The following FNTB variants were observed in gnomAD, a reference collection of about 807,000 sequenced individuals.
The protein encoded by FNTB is farnesyltransferase, CAAX box, subunit beta, also known as protein farnesyltransferase subunit beta.
FNTB carries 27 observed loss-of-function variants against 59.4 expected under a neutral mutation model. The ratio of observed to expected loss-of-function variants is 0.45; its 90% CI spans 0.34 to 0.63. The LOEUF (loss-of-function observed/expected upper bound fraction) is 0.63. Among genes scored for constraint, FNTB ranks in the 20% least tolerant of loss-of-function variants. The pLI is 0.02. For synonymous variants in FNTB, 230 were observed against 220.7 expected (o/e 1.04, Z -0.37); for missense variants, 449 against 559.6 (o/e 0.80, Z 1.99).
At position 65,027,645 on chromosome 14, in the gene FNTB, C is replaced by T. The variant is rs1319165058; in HGVS notation, c.521+46C>T. 1.2e-6 allele frequency: 2 copies of T among 1,613,952 alleles called. No homozygotes were observed. The highest frequency in any genetic ancestry group is 8.5e-7 in the Non-Finnish European group (1 of 1,179,964). On this transcript the variant is annotated intron_variant, in intron 5 of 11. Transcript: ENST00000246166. The surrounding 1 kb of genome is among the most constrained non-coding windows in gnomAD (Gnocchi z 5.7). The stretch of plus-strand genomic sequence containing the variant: ...GACAGAAACCTAGAGGAGTTCCCCG[C>T]CTGCTGACACGCACTGACTGTTGCC...
At chr14:64,996,221 C>CA (rs765517065) in intron 1 of FNTB, among the ~76,000 whole-genome samples, 20 of 152,038 alleles carry the variant, frequency 1.3e-4, no homozygotes, top group Non-Finnish European at 2.5e-4. Flanking sequence ...GAGGCTGAGG[C>CA]AGGAGGACTG....
Position 64,986,897 on chromosome 14 carries a change from T to A in FNTB, c.-57T>A. 1 of 1,602,194 alleles carries A rather than the reference T, an allele frequency of 6.2e-7. No homozygotes were observed. Among genetic ancestry groups the A allele is most frequent in the Non-Finnish European group, 8.6e-7 (1 of 1,169,554 alleles). On this transcript the variant is annotated 5_prime_UTR_variant, in exon 1 of 12. The change abolishes an upstream ATG in the 5' untranslated region. Coordinates refer to ENST00000246166, the MANE Select transcript of FNTB (RefSeq NM_002028.4). ...GCGCTTTAGCCCGCTCGAGTTTCAA[T>A]GCGCGTTGTTGCTTAACGAAGCAGA...
intron 11 of FNTB, 150 bp from the exon 12 acceptor site, chr14:65,061,031 C>T (rs530361794): frequency 2.9e-5 from 38 of 1,289,646 alleles, no homozygotes; most frequent in Non-Finnish European, 3.8e-5. Flanking sequence ...ATAGTTTTAG[C>T]AAATACACCA....
chr14:65,015,108 CT>C (rs113319981), intron 3 of FNTB, among the ~76,000 whole-genome samples: 22,916 of 144,008 alleles, frequency 0.16, 2,802 homozygotes, highest in African/African-American at 0.34. Flanking sequence ...TCTTTTCTTT[CT>C]TTTTTTTTTT....
chr14:65,053,112 A>T, intron 9 of FNTB, 126 bp from the exon 10 acceptor site: 1 of 653,224 alleles, frequency 1.5e-6, no homozygotes, highest in Non-Finnish European at 2.2e-6. Context: ...CAGTTGTACC[A>T]AGAATGAATG....
Position 65,012,603 on chromosome 14 carries a change from A to C in FNTB, c.282+214A>C, listed in dbSNP as rs1317070666. 2.0e-5 allele frequency among the ~76,000 whole-genome samples: 3 copies of C among 152,212 alleles called. No homozygotes were observed. Among genetic ancestry groups the C allele is most frequent in the Non-Finnish European group, 4.4e-5 (3 of 68,034 alleles). On this transcript the variant is annotated intron_variant, in intron 3 of 11. Transcript: ENST00000246166. The surrounding 1 kb of genome is among the most constrained non-coding windows in gnomAD (Gnocchi z 5.0). ...TCTTCCAGAGTGAGTGGAGCACCCTAGATAGGATGGGGCTTTCTTCTGTTA... is the reference window on the plus strand; with the variant it reads ...TCTTCCAGAGTGAGTGGAGCACCCTCGATAGGATGGGGCTTTCTTCTGTTA...
At chr14:65,051,853 G>A (rs537869215) in intron 9 of FNTB, among the ~76,000 whole-genome samples, 17 of 148,606 alleles carry the variant, frequency 1.1e-4, no homozygotes, top group African/African-American at 4.2e-4. Context: ...GGAGTGCAGT[G>A]GTGTGATCTC....
chr14:65,010,363 T>C (rs2061664118), intron 2 of FNTB, among the ~76,000 whole-genome samples: 1 of 152,254 alleles, frequency 6.6e-6, no homozygotes, highest in South Asian at 2.1e-4. Flanking sequence ...CTTCGTAGTC[T>C]GTGTGTGTAA....
rs34066098 is a variant in FNTB at position 65,018,809 on chromosome 14, T to TAA, written c.374+3111_374+3112dup. On this transcript the variant is annotated intron_variant, in intron 4 of 11. Transcript: ENST00000246166. ...TGGAGGACAGAGTGAGACTCTGTCTTAAAAAAAAAAAAAAAAAAAGGCCAG... is the reference window on the plus strand; with the variant it reads ...TGGAGGACAGAGTGAGACTCTGTCTTAAAAAAAAAAAAAAAAAAAAAGGCCAG... Among the ~76,000 whole-genome samples, 702 of 108,444 alleles carry TAA rather than the reference T, an allele frequency of 6.5e-3. 5 individuals carry two copies. Among genetic ancestry groups the TAA allele is most frequent in the African/African-American group, 9.6e-3 (268 of 27,908 alleles). 71.1% of individuals were successfully genotyped at this position (108,444 alleles called of 152,430 possible).
chr14:65,053,081 C>A, intron 9 of FNTB, 157 bp from the exon 10 acceptor site: 1 of 454,524 alleles, frequency 2.2e-6, no homozygotes, highest in South Asian at 9.9e-5. Context: ...ACATGCTGTG[C>A]GTAGGACATG....
intron 9 of FNTB, among the ~76,000 whole-genome samples, chr14:65,045,576 T>A (rs1015596177): frequency 6.6e-6 from 1 of 151,878 alleles, no homozygotes; most frequent in Non-Finnish European, 1.5e-5. Context: ...CCACCACACC[T>A]GGCTAATTTT....
Position 65,061,217 on chromosome 14 carries a change from A to G in FNTB, c.1219A>G (p.Lys407Glu). 6.2e-7 allele frequency: 1 copy of G among 1,614,180 alleles called. No homozygotes were observed. Among genetic ancestry groups the G allele is most frequent in the Non-Finnish European group, 8.5e-7 (1 of 1,180,024 alleles). ...CCCAGTGTACAACATTGGACCAGACAAGGTGATCCAGGCCACTACATACTT... is the reference window on the plus strand; with the variant it reads ...CCCAGTGTACAACATTGGACCAGACGAGGTGATCCAGGCCACTACATACTT... ...THPVYNIGPD[K>E]VIQATTYFLQ... The change falls in exon 12 of 12, where the codon AAG becomes GAG. Residue 407 changes from lysine to glutamate, a missense_variant. By Grantham distance (56) the Lys-to-Glu change is moderately conservative (BLOSUM62 1). Coordinates refer to ENST00000246166, the MANE Select transcript of FNTB (RefSeq NM_002028.4).
In FNTB at chr14:65,062,633, T is replaced by TAAAAG. The variant is rs2062885933; in HGVS notation, c.*1324_*1328dup. On this transcript the variant is annotated 3_prime_UTR_variant, in exon 12 of 12. Coordinates refer to ENST00000246166, the MANE Select transcript of FNTB (RefSeq NM_002028.4). This position sits in a 1 kb window ranked among gnomAD's most constrained non-coding sequence, Gnocchi z 4.3. ...GCTATGTATTACCTCCTTGAAATAA[T>TAAAAG]AAAAGAATAACATTTTCTATGATGT... The TAAAAG allele has an allele frequency of 6.6e-6, 1 of 152,606 alleles. No individual in the cohort carries two copies. Among genetic ancestry groups the TAAAAG allele is most frequent in the African/African-American group, 2.4e-5 (1 of 41,450 alleles). The allele number at this position is 152,606 out of a possible 1,614,324, so 9.5% of individuals were successfully genotyped here.
intron 4 of FNTB, chr14:65,021,877 C>A: frequency 2.2e-6 from 1 of 454,286 alleles, no homozygotes; most frequent in Non-Finnish European, 4.4e-6. Context: ...AACTCCTGGC[C>A]TTAAGTGATC....
chr14:65,000,108 G>T (rs886724163), intron 1 of FNTB, among the ~76,000 whole-genome samples: 6 of 152,334 alleles, frequency 3.9e-5, no homozygotes, highest in Non-Finnish European at 8.8e-5. Flanking sequence ...CCAAGGGGAA[G>T]ATGGGTTCAT....
intron 11 of FNTB, 118 bp from the exon 12 acceptor site, chr14:65,061,062 GT>G: frequency 6.7e-7 from 1 of 1,492,448 alleles, no homozygotes; most frequent in South Asian, 1.3e-5. Context: ...TTTGGGCTTT[GT>G]GTGTATCTCT....
In FNTB at chr14:65,001,309, G is replaced by A. The variant is rs1431589454; in HGVS notation, c.145-2940G>A. On this transcript the variant is annotated intron_variant, in intron 1 of 11. Coordinates refer to ENST00000246166, the MANE Select transcript of FNTB (RefSeq NM_002028.4). This position sits in a 1 kb window ranked among gnomAD's most constrained non-coding sequence, Gnocchi z 5.5. ...CCTTTTCTGTGTTTAGATACTTTTA[G>A]ATATACAAAGGCTTACTATTGTGTT... Among the ~76,000 whole-genome samples, 1 of 152,142 alleles carries A rather than the reference G, an allele frequency of 6.6e-6. No homozygotes were observed. Among genetic ancestry groups the A allele is most frequent in the Non-Finnish European group, 1.5e-5 (1 of 68,022 alleles).
At position 65,012,273 on chromosome 14, in the gene FNTB, G is replaced by T. The variant is rs992307741; in HGVS notation, c.210-44G>T. ...GTGCACATACGTGTGTATGGTGGAA[G>T]CATAAGCTATTAGAATGGGCTTATA... On this transcript the variant is annotated intron_variant, in intron 2 of 11. Coordinates refer to ENST00000246166, the MANE Select transcript of FNTB (RefSeq NM_002028.4). The surrounding 1 kb of genome is among the most constrained non-coding windows in gnomAD (Gnocchi z 5.0). The T allele has an allele frequency of 1.2e-6, 2 of 1,610,604 alleles. No homozygotes were observed. The highest frequency in any genetic ancestry group is 1.3e-5 in the African/African-American group (1 of 74,862).
chr14:65,021,195 T>G (rs746330307), intron 4 of FNTB, among the ~76,000 whole-genome samples: 7 of 152,224 alleles, frequency 4.6e-5, no homozygotes, highest in Non-Finnish European at 8.8e-5. Context: ...GAAAGCAGCT[T>G]CAGTGAAACA....
Sources: allele counts gnomAD v4.1 joint callset (sites outside exome capture counted in the v4.1 genomes callset), GRCh38; gene constraint gnomAD v4.1.1; non-coding constraint Gnocchi (gnomAD v3.1); transcripts MANE v1.5; gene names NCBI Gene and HGNC (gene_info 2026-07-23, HGNC 2026-07-21).